ADK: variants seen among roughly 807,000 people sequenced by gnomAD.
ADK encodes the protein adenosine kinase, also known as N6,N6-dimethyladenosine kinase.
In ADK, 24 loss-of-function variants were observed where a neutral mutation model predicts 44.7. That is an observed-to-expected ratio of 0.54 (90% CI 0.39 to 0.76). The LOEUF is 0.76. Among genes scored for constraint, ADK ranks in the 30% least tolerant of loss-of-function variants. ADK has a pLI of 0.00. For missense variants in ADK, 321 were observed against 425.1 expected, an observed-to-expected ratio of 0.76 and a Z score of 2.15; for synonymous variants, 128 against 142.6, an observed-to-expected ratio of 0.90 and a Z score of 0.73.
chr10:74,303,373 A>C (rs903307548), intron 3 of ADK, among the ~76,000 whole-genome samples: 5 of 152,040 alleles, frequency 3.3e-5, no homozygotes, highest in African/African-American at 1.2e-4. Flanking sequence ...GTTTCTATTC[A>C]ATAGGATTAA....
intron 2 of ADK, among the ~76,000 whole-genome samples, chr10:74,203,358 G>T (rs563490850): frequency 1.3e-5 from 2 of 151,214 alleles, no homozygotes; most frequent in African/African-American, 4.8e-5. Context: ...TGTGTGTTTT[G>T]TTTTTTGTTT....
intron 10 of ADK, among the ~76,000 whole-genome samples, chr10:74,706,721 C>A (rs948143448): frequency 6.6e-6 from 1 of 152,090 alleles, no homozygotes; most frequent in African/African-American, 2.4e-5. Context: ...TTTTTGCTAA[C>A]CTAGGTCCTT....
chr10:74,302,105 G>GTTTTTTTTTTTTTTTT (rs1840065150), intron 3 of ADK, among the ~76,000 whole-genome samples: 5 of 88,930 alleles, frequency 5.6e-5, no homozygotes, highest in Non-Finnish European at 8.0e-5. Flanking sequence ...TTTTTTGTTT[G>GTTTTTTTTTTTTTTTT]TTTGTTTTTT....
chr10:74,498,054 T>C (rs1847754145), intron 6 of ADK, among the ~76,000 whole-genome samples: 1 of 152,050 alleles, frequency 6.6e-6, no homozygotes, highest in Admixed American at 6.6e-5. Context: ...CACGCCCGGC[T>C]AATTTTTTGT....
intron 2 of ADK, among the ~76,000 whole-genome samples, chr10:74,208,379 T>C (rs1023515654): frequency 6.6e-6 from 1 of 152,242 alleles, no homozygotes; most frequent in Non-Finnish European, 1.5e-5. Flanking sequence ...TTGCAGCAGC[T>C]GCTCTAGACA....
intron 9 of ADK, among the ~76,000 whole-genome samples, chr10:74,611,029 T>C (rs1006221645): frequency 6.6e-6 from 1 of 152,066 alleles, no homozygotes; most frequent in Non-Finnish European, 1.5e-5. Flanking sequence ...TGTAGATTTT[T>C]CTGTTTCGTT....
intron 6 of ADK, among the ~76,000 whole-genome samples, chr10:74,479,319 C>T (rs1367501012): frequency 2.0e-5 from 3 of 151,908 alleles, no homozygotes; most frequent in Admixed American, 1.3e-4. Flanking sequence ...ATTAGGATTG[C>T]AGCTTCTGTT....
intron 7 of ADK, chr10:74,530,513 C>T (rs1849240087): frequency 6.6e-6 from 1 of 152,008 alleles, no homozygotes; most frequent in African/African-American, 2.4e-5. Flanking sequence ...ATACCTTGTC[C>T]ACAAAGATTA....
intron 6 of ADK, among the ~76,000 whole-genome samples, chr10:74,406,978 CTCTT>C (rs772438803): frequency 1.4e-3 from 205 of 148,784 alleles, no homozygotes; most frequent in Non-Finnish European, 2.5e-3. Context: ...TGTGCCTGGC[CTCTT>C]TCTTTTTTTT....
intron 6 of ADK, among the ~76,000 whole-genome samples, chr10:74,405,261 C>T (rs567362253): frequency 6.6e-6 from 1 of 152,160 alleles, no homozygotes; most frequent in South Asian, 2.1e-4. Context: ...GGTACTGCAA[C>T]TATATCAGTT....
In ADK at chr10:74,343,466, G is replaced by A. The variant is rs147125305; in HGVS notation, c.273+28721G>A. Among the ~76,000 whole-genome samples the A allele has an allele frequency of 3.2e-3, 485 of 152,240 alleles. 2 individuals are homozygous for A. The highest frequency in any genetic ancestry group is 3.8e-3 in the Non-Finnish European group (261 of 68,018). ...AAAGTCATCATTGTCTTCATGTTGG[G>A]TTGGCTGAGGAGGCAGAGGAGGAAC... On this transcript the variant is annotated intron_variant, in intron 4 of 10. Transcript: ENST00000539909.
chr10:74,554,784 A>T (rs1030933512), intron 7 of ADK, among the ~76,000 whole-genome samples: 8 of 130,690 alleles, frequency 6.1e-5, no homozygotes, highest in African/African-American at 2.5e-4. Context: ...GTCTCTATTT[A>T]AAAAAAAAAA....
intron 9 of ADK, among the ~76,000 whole-genome samples, chr10:74,621,833 G>T (rs1853004667): frequency 1.3e-5 from 2 of 152,108 alleles, no homozygotes. Flanking sequence ...CCACCTCAAG[G>T]TTGGGTTATA....
intron 6 of ADK, among the ~76,000 whole-genome samples, chr10:74,403,659 G>A (rs927787379): frequency 6.6e-6 from 1 of 152,072 alleles, no homozygotes; most frequent in Non-Finnish European, 1.5e-5. Flanking sequence ...GGCTTCCCTT[G>A]GCTAGGAAAT....
intron 4 of ADK, among the ~76,000 whole-genome samples, chr10:74,357,570 G>C (rs1022061912): frequency 2.0e-5 from 3 of 151,732 alleles, no homozygotes; most frequent in Admixed American, 1.3e-4. Flanking sequence ...CAAAGTGCTG[G>C]GGTTACGGGC....
At chr10:74,340,349 C>G (rs1488048623) in intron 4 of ADK, among the ~76,000 whole-genome samples, 2 of 151,884 alleles carry the variant, frequency 1.3e-5, no homozygotes, top group African/African-American at 2.4e-5. Context: ...CCTTATATTC[C>G]CATATAATTT....
At chr10:74,290,030 A>C (rs1847344181) in intron 3 of ADK, among the ~76,000 whole-genome samples, 1 of 151,930 alleles carries the variant, frequency 6.6e-6, no homozygotes, top group Non-Finnish European at 1.5e-5. Flanking sequence ...GTGCTATGCT[A>C]GGTTAAAAAA....
chr10:74,641,071 C>CAG (rs1438757748), intron 9 of ADK, among the ~76,000 whole-genome samples: 3 of 152,184 alleles, frequency 2.0e-5, no homozygotes, highest in Non-Finnish European at 4.4e-5. Flanking sequence ...GTGTCTGCAA[C>CAG]ACCTGTGACT....
intron 4 of ADK, among the ~76,000 whole-genome samples, chr10:74,338,185 T>TAAAAAA (rs1434889988): frequency 6.6e-6 from 1 of 152,212 alleles, no homozygotes; most frequent in African/African-American, 2.4e-5. Flanking sequence ...GTAAGCCATG[T>TAAAAAA]AAAATATTTT....
Sources: gnomAD v4.1 joint callset for allele counts (sites outside exome capture counted in the v4.1 genomes callset) on GRCh38, gnomAD v4.1.1 for gene constraint, MANE v1.5 for transcripts, NCBI Gene and HGNC (gene_info 2026-07-23, HGNC 2026-07-21) for gene names.